Variants in EPHA6 observed in about 807,000 individuals in gnomAD.
EPHA6 encodes EPH receptor A6, also known as ephrin type-A receptor 6.
A neutral mutation model predicts 112.0 loss-of-function variants in EPHA6; 50 were observed. The ratio of observed to expected loss-of-function variants is 0.45; its 90% CI spans 0.36 to 0.56. The LOEUF (loss-of-function observed/expected upper bound fraction) is 0.56, where lower values mean the gene tolerates loss of function less well. Ranked by LOEUF, EPHA6 falls within the 20% of genes least tolerant of loss-of-function variation. The probability of loss-of-function intolerance (pLI) is 0.00; values close to 1 mark genes in which losing one functional copy is unlikely to be tolerated. For synonymous variants in EPHA6, 529 were observed against 490.7 expected (o/e 1.08, Z -1.03); for missense variants, 1,280 against 1,417.4 (o/e 0.90, Z 1.56).
intron 10 of EPHA6, among the ~76,000 whole-genome samples, chr3:97,521,325 T>C (rs1197949811): frequency 6.6e-6 from 1 of 152,188 alleles, no homozygotes; most frequent in Non-Finnish European, 1.5e-5. Context: ...AAGCCACTTG[T>C]ATTAGTTCAT....
At chr3:97,440,788 A>G (rs1378319013) in intron 6 of EPHA6, among the ~76,000 whole-genome samples, 1 of 151,748 alleles carries the variant, frequency 6.6e-6, no homozygotes, top group Non-Finnish European at 1.5e-5. Flanking sequence ...TTGAAAATCA[A>G]AAGCCAGTGT....
intron 14 of EPHA6, among the ~76,000 whole-genome samples, chr3:97,699,448 A>C (rs2033236319): frequency 1.3e-5 from 2 of 152,230 alleles, no homozygotes; most frequent in South Asian, 4.1e-4. Flanking sequence ...AGGTACTGTC[A>C]TTATCTTCAC....
rs1264797671 is a variant in EPHA6 at position 96,918,727 on chromosome 3, T to A, written c.450+51838T>A. On this transcript the variant is annotated intron_variant, in intron 2 of 17. Transcript: ENST00000389672. ...CAAAACATATAGGAAGGTATAACTATTTTTTTTAAATGCTTGAGGTATGTG... is the reference window on the plus strand; with the variant it reads ...CAAAACATATAGGAAGGTATAACTAATTTTTTTAAATGCTTGAGGTATGTG... Among the ~76,000 whole-genome samples, 3 of 151,886 alleles carry A rather than the reference T, an allele frequency of 2.0e-5. 1 individual carries two copies. The highest frequency in any genetic ancestry group is 6.8e-3 in the Middle Eastern group (2 of 294).
At chr3:97,129,496 A>AAAAAAC (rs1246439414) in intron 3 of EPHA6, among the ~76,000 whole-genome samples, 7 of 151,606 alleles carry the variant, frequency 4.6e-5, no homozygotes, top group African/African-American at 1.5e-4. Flanking sequence ...ACTTCGTCTC[A>AAAAAAC]AAAAACAAAA....
rs534944913 is a variant in EPHA6 at position 96,938,933 on chromosome 3, G to C, written c.451-48397G>C. Among the ~76,000 whole-genome samples, 23 of 152,306 alleles carry C rather than the reference G, an allele frequency of 1.5e-4. No individual in the cohort carries two copies. In the South Asian group the frequency reaches 4.8e-3, roughly 32 times the overall value. The stretch of plus-strand genomic sequence containing the variant: ...TTATTGATTTGTATGTGTTGAACCA[G>C]CCTTGCATCCCAGGGATGAAGCCCA... On this transcript the variant is annotated intron_variant, in intron 2 of 17. Transcript: ENST00000389672.
intron 2 of EPHA6, among the ~76,000 whole-genome samples, chr3:96,871,886 C>T (rs1467827621): frequency 6.6e-6 from 1 of 151,968 alleles, no homozygotes; most frequent in Non-Finnish European, 1.5e-5. Context: ...CTCATTGACC[C>T]TAGATGTGAG....
rs557059966 is a variant in EPHA6 at position 96,948,844 on chromosome 3, G to T, written c.451-38486G>T. 3.9e-5 allele frequency among the ~76,000 whole-genome samples: 6 copies of T among 152,240 alleles called. No homozygotes were observed. In the East Asian group the frequency reaches 1.2e-3, roughly 29 times the overall value. On this transcript the variant is annotated intron_variant, in intron 2 of 17. Coordinates refer to ENST00000389672, the MANE Select transcript of EPHA6 (RefSeq NM_001080448.3). The stretch of plus-strand genomic sequence containing the variant: ...CAGAGAATTGGAATAAGGTACAAAA[G>T]ACTAAAGGGCACCAGAAAAGATGGA...
chr3:96,851,268 G>A (rs1384763016), intron 1 of EPHA6, among the ~76,000 whole-genome samples: 3 of 152,090 alleles, frequency 2.0e-5, no homozygotes, highest in Admixed American at 6.6e-5. Context: ...GTATGGATCT[G>A]AGTGACTATA....
intron 2 of EPHA6, among the ~76,000 whole-genome samples, chr3:96,908,777 T>C (rs73848510): frequency 6.1e-4 from 93 of 152,064 alleles, no homozygotes; most frequent in African/African-American, 2.1e-3. Flanking sequence ...AAAACAATTT[T>C]CTCTGTGTTC....
intron 3 of EPHA6, among the ~76,000 whole-genome samples, chr3:97,040,496 A>T (rs1252382134): frequency 6.6e-6 from 1 of 152,040 alleles, no homozygotes; most frequent in East Asian, 1.9e-4. Flanking sequence ...TTTTCAATTT[A>T]TCATGGCCTT....
intron 3 of EPHA6, among the ~76,000 whole-genome samples, chr3:97,158,640 G>A (rs936785338): frequency 6.6e-6 from 1 of 152,112 alleles, no homozygotes; most frequent in Non-Finnish European, 1.5e-5. Flanking sequence ...AGGGGGTAGG[G>A]AAAAATAGTC....
At chr3:97,041,962 C>A (rs2045332003) in intron 3 of EPHA6, among the ~76,000 whole-genome samples, 1 of 152,190 alleles carries the variant, frequency 6.6e-6, no homozygotes, top group East Asian at 1.9e-4. Flanking sequence ...GGACACAAAT[C>A]CAAACCATGT....
rs2092896941 is a variant in EPHA6, at chr3:97,543,430, C to T, written c.2386+10887C>T. ...AGATATGCAGCATTATTTCTGAGGGCTCTGTTCTGTTCCATTGGTCTATAT... is the reference window on the plus strand; with the variant it reads ...AGATATGCAGCATTATTTCTGAGGGTTCTGTTCTGTTCCATTGGTCTATAT... On this transcript the variant is annotated intron_variant, in intron 11 of 17. Transcript: ENST00000389672. 2.0e-5 allele frequency among the ~76,000 whole-genome samples: 3 copies of T among 152,234 alleles called. No homozygotes were observed. The South Asian group carries it at 6.2e-4, about 32-fold the overall frequency.
At chr3:96,895,654 G>GT (rs769487757) in intron 2 of EPHA6, among the ~76,000 whole-genome samples, 1 of 152,090 alleles carries the variant, frequency 6.6e-6, no homozygotes, top group Non-Finnish European at 1.5e-5. Context: ...CTTTTATACT[G>GT]TTTTTTGTTG....
intron 11 of EPHA6, among the ~76,000 whole-genome samples, chr3:97,583,507 C>A (rs925085661): frequency 6.6e-6 from 1 of 151,138 alleles, no homozygotes; most frequent in Non-Finnish European, 1.5e-5. Flanking sequence ...CCACTGCACT[C>A]CAGCCTGGGT....
intron 6 of EPHA6, among the ~76,000 whole-genome samples, chr3:97,412,797 T>C (rs1354307469): frequency 6.6e-6 from 1 of 152,054 alleles, no homozygotes; most frequent in Non-Finnish European, 1.5e-5. Context: ...GATTATTTTC[T>C]TCTAAAAAAT....
intron 3 of EPHA6, among the ~76,000 whole-genome samples, chr3:97,066,125 T>G (rs1166682431): frequency 6.6e-6 from 1 of 152,066 alleles, no homozygotes; most frequent in African/African-American, 2.4e-5. Context: ...ATATTTCTAA[T>G]AAAATCAAGG....
chr3:97,597,344 G>A (rs1456730602), intron 12 of EPHA6, among the ~76,000 whole-genome samples: 1 of 152,124 alleles, frequency 6.6e-6, no homozygotes, highest in Non-Finnish European at 1.5e-5. Context: ...GATAGCGTGA[G>A]ACTTCCTGTC....
At chr3:97,679,059 T>C (rs2031643961) in intron 14 of EPHA6, among the ~76,000 whole-genome samples, 1 of 152,212 alleles carries the variant, frequency 6.6e-6, no homozygotes, top group South Asian at 2.1e-4. Context: ...CTGGTTTTGT[T>C]ATATTAGTCA....
Sources: gnomAD v4.1 joint callset for allele counts (sites outside exome capture counted in the v4.1 genomes callset) on GRCh38, gnomAD v4.1.1 for gene constraint, MANE v1.5 for transcripts, NCBI Gene and HGNC (gene_info 2026-07-23, HGNC 2026-07-21) for gene names.